Variants in CDH4 observed in about 807,000 individuals in gnomAD.
CDH4 encodes the protein cadherin 4, also known as cadherin-4.
CDH4 carries 33 observed loss-of-function variants against 86.0 expected under a neutral mutation model. The observed-to-expected ratio is 0.38, with a 90% confidence interval of 0.29 to 0.51. CDH4 has a LOEUF of 0.51. CDH4 is among the 20% of genes least tolerant of loss of function. The pLI is 0.86. For synonymous variants in CDH4, 555 were observed against 549.4 expected, an observed-to-expected ratio of 1.01 and a Z score of -0.14; for missense variants, 1,114 against 1,307.4, an observed-to-expected ratio of 0.85 and a Z score of 2.28.
chr20:61,932,854 A>ATGCACACCTGTAC, intron 13 of CDH4, 131 bp from the exon 14 acceptor site: 14 of 1,210,534 alleles, frequency 1.2e-5, no homozygotes, highest in Non-Finnish European at 1.5e-5. Context: ...ACAGGTGTGC[A>ATGCACACCTGTAC]TGCACACATG....
intron 2 of CDH4, among the ~76,000 whole-genome samples, chr20:61,656,270 TGCTGGGGTGGGCAGGCGC>T (rs2087187604): frequency 1.6e-5 from 2 of 122,298 alleles, no homozygotes; most frequent in African/African-American, 6.3e-5. Context: ...GGCAGGCGCG[TGCTGGGGTGGGCAGGCGC>T]GTGCTGGGGT....
In CDH4 at chr20:61,681,070, C is replaced by A. The variant is rs754767100; in HGVS notation, c.170-62493C>A. ...AACATGTAGCTTCTCTAACATAATC[C>A]CTCTGTGCCGTGCAATTATTAACAC... On this transcript the variant is annotated intron_variant, in intron 2 of 15. Transcript: ENST00000614565. The surrounding 1 kb of genome is among the most constrained non-coding windows in gnomAD (Gnocchi z 4.5). Among the ~76,000 whole-genome samples, 14 of 152,192 alleles carry A rather than the reference C, an allele frequency of 9.2e-5. 1 individual carries two copies. The highest frequency in any genetic ancestry group is 3.3e-4 in the Admixed American group (5 of 15,266).
intron 2 of CDH4, among the ~76,000 whole-genome samples, chr20:61,742,787 C>T (rs1020944038): frequency 1.3e-5 from 2 of 152,270 alleles, no homozygotes; most frequent in Admixed American, 1.3e-4. Context: ...TAGAGATGGC[C>T]ATGATGCTGG....
intron 5 of CDH4, among the ~76,000 whole-genome samples, chr20:61,849,797 C>T (rs1982629690): frequency 6.6e-6 from 1 of 152,220 alleles, no homozygotes; most frequent in Non-Finnish European, 1.5e-5. Flanking sequence ...GAACGTTCAG[C>T]TTTCGAAGGC....
intron 2 of CDH4, among the ~76,000 whole-genome samples, chr20:61,560,052 A>C (rs1361414085): frequency 6.6e-6 from 1 of 152,210 alleles, no homozygotes; most frequent in Non-Finnish European, 1.5e-5. Context: ...CCCAGCAACG[A>C]GTGCATAGAG....
At chr20:61,403,122 C>G (rs1385835686) in intron 2 of CDH4, among the ~76,000 whole-genome samples, 1 of 152,222 alleles carries the variant, frequency 6.6e-6, no homozygotes, top group Non-Finnish European at 1.5e-5. Flanking sequence ...CTGCATGGAA[C>G]ACAGCTGTGA....
rs372830957 is a variant in CDH4 at position 61,683,476 on chromosome 20, G to A, written c.170-60087G>A. The stretch of plus-strand genomic sequence containing the variant: ...CCCGAACCGCGAGTCGTGGAGGCCC[G>A]TGGGCAGGTGCCCCGGGAGTGCGGC... On this transcript the variant is annotated intron_variant, in intron 2 of 15. Coordinates refer to ENST00000614565, the MANE Select transcript of CDH4 (RefSeq NM_001794.5). 1.2e-3 allele frequency among the ~76,000 whole-genome samples: 181 copies of A among 152,246 alleles called. 4 individuals carry two copies. The South Asian group carries it at 0.021, about 17-fold the overall frequency.
At chr20:61,674,433 C>G (rs375693540) in intron 2 of CDH4, among the ~76,000 whole-genome samples, 1 of 152,112 alleles carries the variant, frequency 6.6e-6, no homozygotes, top group Non-Finnish European at 1.5e-5. Flanking sequence ...GCAGGCCTTT[C>G]GTGCAGACAA....
intron 2 of CDH4, among the ~76,000 whole-genome samples, chr20:61,567,218 C>T (rs767476697): frequency 6.6e-6 from 1 of 152,236 alleles, no homozygotes; most frequent in Admixed American, 6.5e-5. Flanking sequence ...CCGAGCCCCC[C>T]AGGAAAGGCC....
chr20:61,364,431 A>AT (rs1005804400), intron 2 of CDH4, among the ~76,000 whole-genome samples: 2 of 152,076 alleles, frequency 1.3e-5, no homozygotes, highest in African/African-American at 4.8e-5. Flanking sequence ...AGGGCTCCCC[A>AT]TGGCCTTGGA....
At chr20:61,380,480 G>T (rs1273733413) in intron 2 of CDH4, among the ~76,000 whole-genome samples, 1 of 151,948 alleles carries the variant, frequency 6.6e-6, no homozygotes, top group Non-Finnish European at 1.5e-5. Flanking sequence ...TAATTCACAG[G>T]CTTTCCCTTC....
intron 2 of CDH4, among the ~76,000 whole-genome samples, chr20:61,375,136 C>A (rs148162058): frequency 1.1e-3 from 171 of 152,344 alleles, no homozygotes; most frequent in African/African-American, 3.9e-3. Context: ...GGCACATGTT[C>A]TCATGATCTC....
intron 2 of CDH4, among the ~76,000 whole-genome samples, chr20:61,628,465 C>G (rs548335340): frequency 6.6e-6 from 1 of 152,180 alleles, no homozygotes; most frequent in East Asian, 1.9e-4. Context: ...CTCTGCTTGC[C>G]CTTCTAAGCC....
At chr20:61,742,839 T>C (rs2088360043) in intron 2 of CDH4, among the ~76,000 whole-genome samples, 1 of 152,150 alleles carries the variant, frequency 6.6e-6, no homozygotes. Flanking sequence ...TACTGGTTAA[T>C]GTTTTGGAAG....
rs928224695 is a variant in CDH4, at chr20:61,417,782, C to T, written c.169+162845C>T. Reference sequence around the variant, plus strand: ...ACCTGACAAGGTCCTCGAGGCCAGGCGAGGTCTCAGGAAGTCTGAGTTTGG... The same window carrying T: ...ACCTGACAAGGTCCTCGAGGCCAGGTGAGGTCTCAGGAAGTCTGAGTTTGG... On this transcript the variant is annotated intron_variant, in intron 2 of 15. Transcript: ENST00000614565. This position sits in a 1 kb window ranked among gnomAD's most constrained non-coding sequence, Gnocchi z 4.0. 3.3e-5 allele frequency among the ~76,000 whole-genome samples: 5 copies of T among 152,044 alleles called. No individual in the cohort carries two copies. The highest frequency in any genetic ancestry group is 2.1e-4 in the South Asian group (1 of 4,824).
intron 2 of CDH4, among the ~76,000 whole-genome samples, chr20:61,564,104 T>C (rs2086243879): frequency 6.6e-6 from 1 of 152,126 alleles, no homozygotes; most frequent in Admixed American, 6.5e-5. Context: ...AGTCTCCCTC[T>C]CCTTTCTCTT....
chr20:61,337,670 T>C (rs1374670279), intron 2 of CDH4, among the ~76,000 whole-genome samples: 1 of 152,116 alleles, frequency 6.6e-6, no homozygotes, highest in Non-Finnish European at 1.5e-5. Context: ...ACCTCATATT[T>C]TCACACCATG....
At chr20:61,664,472 T>C (rs1203600172) in intron 2 of CDH4, among the ~76,000 whole-genome samples, 1 of 152,208 alleles carries the variant, frequency 6.6e-6, no homozygotes, top group Non-Finnish European at 1.5e-5. Flanking sequence ...GCATTCTTCC[T>C]TGAAGATCTC....
intron 2 of CDH4, among the ~76,000 whole-genome samples, chr20:61,634,114 AGTG>A (rs2086922820): frequency 6.6e-6 from 1 of 152,170 alleles, no homozygotes. Flanking sequence ...GATCCAACTC[AGTG>A]GGTTGTTTAG....
Sources: allele counts gnomAD v4.1 joint callset (sites outside exome capture counted in the v4.1 genomes callset), GRCh38; gene constraint gnomAD v4.1.1; non-coding constraint Gnocchi (gnomAD v3.1); transcripts MANE v1.5; gene names NCBI Gene and HGNC (gene_info 2026-07-23, HGNC 2026-07-21).